Variants in ACSF3 observed in about 807,000 individuals in gnomAD.
The protein encoded by ACSF3 is acyl-CoA synthetase family member 3.
In ACSF3, 78 loss-of-function variants were observed where a neutral mutation model predicts 53.2. That is an observed-to-expected ratio of 1.47 (90% CI 1.22 to 1.77). The LOEUF is 1.77. Ranked by LOEUF, ACSF3 falls within the 40% of genes most tolerant of loss-of-function variation. ACSF3 has a pLI of 0.00. For synonymous variants in ACSF3, 414 were observed against 333.1 expected (o/e 1.24, Z -2.65); for missense variants, 937 against 771.1 (o/e 1.22, Z -2.55).
intron 8 of ACSF3, among the ~76,000 whole-genome samples, chr16:89,135,113 A>C (rs1219113955): frequency 1.4e-5 from 2 of 138,314 alleles, no homozygotes; most frequent in African/African-American, 5.6e-5. Flanking sequence ...TTTTATGCTG[A>C]ACATCATTAT....
chr16:89,149,837 G>C (rs925565378), intron 10 of ACSF3: 1 of 152,174 alleles, frequency 6.6e-6, no homozygotes, highest in African/African-American at 2.4e-5. Context: ...GGGCAAACAG[G>C]AATAGAAGTT....
At chr16:89,136,410 G>A (rs1482995801) in intron 8 of ACSF3, 20 of 822,142 alleles carry the variant, frequency 2.4e-5, no homozygotes, top group African/African-American at 5.4e-5. Context: ...CCTGGAAGCC[G>A]CATGTCTTTG....
chr16:89,151,129 C>A, intron 10 of ACSF3: 2 of 993,730 alleles, frequency 2.0e-6, no homozygotes, highest in Non-Finnish European at 2.8e-6. Context: ...GGCAGGATGG[C>A]GGCACGGAGG....
intron 8 of ACSF3, among the ~76,000 whole-genome samples, chr16:89,138,153 G>A (rs748504974): frequency 2.4e-4 from 36 of 152,300 alleles, no homozygotes; most frequent in African/African-American, 7.7e-4. Context: ...AGTGGGGACC[G>A]GCAGTGTCGT....
intron 4 of ACSF3, among the ~76,000 whole-genome samples, chr16:89,111,673 CT>C (rs1296315231): frequency 6.6e-6 from 1 of 152,224 alleles, no homozygotes; most frequent in African/African-American, 2.4e-5. Flanking sequence ...TCACATGACT[CT>C]TTTAAATAAA....
At chr16:89,116,495 C>T (rs1005155153) in intron 6 of ACSF3, among the ~76,000 whole-genome samples, 7 of 152,222 alleles carry the variant, frequency 4.6e-5, no homozygotes, top group African/African-American at 1.7e-4. Flanking sequence ...TTTGCTGGGC[C>T]TGGGGAGCCA....
intron 10 of ACSF3, chr16:89,153,654 C>G (rs1567757161): frequency 1.0e-5 from 3 of 301,448 alleles, no homozygotes; most frequent in African/African-American, 6.5e-5. Flanking sequence ...TGCCCCTGCC[C>G]CACCTGCCCA....
At position 89,135,820 on chromosome 16, in the gene ACSF3, T is replaced by G. The variant is rs540061923; in HGVS notation, c.1366+2558T>G. ...GACGGAGTCTCGCTCTGTCGCCCAG[T>G]CTGCAGTGCAGTGGCACGATCTCAG... On this transcript the variant is annotated intron_variant, in intron 8 of 10. Transcript: ENST00000614302. 1.3e-3 allele frequency among the ~76,000 whole-genome samples: 194 copies of G among 152,358 alleles called. 4 individuals carry two copies. The highest frequency in any genetic ancestry group is 4.1e-3 in the African/African-American group (170 of 41,592).
intron 10 of ACSF3, chr16:89,149,740 G>A (rs1016628483): frequency 9.2e-5 from 14 of 152,266 alleles, no homozygotes; most frequent in African/African-American, 3.4e-4. Flanking sequence ...GCACAGAATG[G>A]GGAGGGGCAG....
chr16:89,145,355 C>A lies in ACSF3; in HGVS notation c.1455C>A (p.Ser485Arg), dbSNP rs377487769. The A allele has an allele frequency of 6.2e-7, 1 of 1,614,060 alleles. No homozygotes were observed. Among genetic ancestry groups the A allele is most frequent in the South Asian group, 1.1e-5 (1 of 91,086 alleles). ...DIIKTGGYKV[S>R]ALEVEWHLLA... Reference sequence around the variant, plus strand: ...TCAAGACTGGAGGCTACAAGGTCAGCGCCCTGGAGGTGGAGTGGCACCTGC... The same window carrying A: ...TCAAGACTGGAGGCTACAAGGTCAGAGCCCTGGAGGTGGAGTGGCACCTGC... The change falls in exon 9 of 11, where the codon AGC becomes AGA. Residue 485 changes from serine to arginine, a missense_variant. Coordinates refer to ENST00000614302, the MANE Select transcript of ACSF3 (RefSeq NM_001243279.3).
At chr16:89,136,890 C>A (rs1476179684) in intron 8 of ACSF3, 5 of 1,232,820 alleles carry the variant, frequency 4.1e-6, no homozygotes, top group East Asian at 5.7e-5. Context: ...TCAGGTAACT[C>A]CTCTGACGGC....
At chr16:89,121,580 G>C (rs1348043899) in intron 7 of ACSF3, among the ~76,000 whole-genome samples, 1 of 152,216 alleles carries the variant, frequency 6.6e-6, no homozygotes, top group African/African-American at 2.4e-5. Flanking sequence ...ATGGAATCTT[G>C]ATTTAAAAGG....
In ACSF3 at chr16:89,155,890, C is replaced by A. The variant is rs1223051521; in HGVS notation, c.*1683C>A. The A allele has an allele frequency of 2.7e-5, 11 of 401,872 alleles. No individual in the cohort carries two copies. In the East Asian group the frequency reaches 7.8e-4, roughly 29 times the overall value. 24.9% of individuals were successfully genotyped at this position (401,872 alleles called of 1,614,324 possible). A position where few individuals can be genotyped will look rare whatever the true frequency, so the allele number is the denominator to read the frequency against. On this transcript the variant is annotated 3_prime_UTR_variant, in exon 11 of 11. Coordinates refer to ENST00000614302, the MANE Select transcript of ACSF3 (RefSeq NM_001243279.3). ...CTTTCGAAATAATGAGTGTAACTTT[C>A]TGCTGACAATACTACAAACTACAGA...
chr16:89,155,098 G>A lies in ACSF3; in HGVS notation c.*891G>A, dbSNP rs760161678. On this transcript the variant is annotated 3_prime_UTR_variant, in exon 11 of 11. Transcript: ENST00000614302. ...AACCTCAGGAAGGTGTGTTGTGAAT[G>A]TTGGGTGCACCCACGTTGCATTTAC... 3 of 454,164 alleles carry A rather than the reference G, an allele frequency of 6.6e-6. No homozygotes were observed. The highest frequency in any genetic ancestry group is 4.7e-5 in the South Asian group (3 of 64,476). 28.1% of individuals were successfully genotyped at this position (454,164 alleles called of 1,614,324 possible).
chr16:89,104,947 C>G (rs1975786781), intron 4 of ACSF3, among the ~76,000 whole-genome samples: 1 of 152,204 alleles, frequency 6.6e-6, no homozygotes, highest in South Asian at 2.1e-4. Flanking sequence ...ACTACCGTGC[C>G]AAAGAGAGGT....
chr16:89,127,668 C>T (rs1311395751), intron 7 of ACSF3, among the ~76,000 whole-genome samples: 1 of 152,096 alleles, frequency 6.6e-6, no homozygotes, highest in Admixed American at 6.5e-5. Context: ...GCCCTACCAA[C>T]GTTTCTTTTT....
intron 7 of ACSF3, 65 bp downstream of exon 7, chr16:89,120,978 A>C (rs1160816474): frequency 7.1e-7 from 1 of 1,403,510 alleles, no homozygotes; most frequent in Non-Finnish European, 1.0e-6. Flanking sequence ...CAGGGTGGTT[A>C]CACTGGTGCA....
intron 4 of ACSF3, 46 bp from the exon 5 acceptor site, chr16:89,112,046 C>A: frequency 7.6e-6 from 2 of 261,794 alleles, no homozygotes; most frequent in African/African-American, 7.6e-5. Flanking sequence ...GCCACGGGCC[C>A]CAGTGCCTGC....
At chr16:89,125,529 A>C (rs564930044) in intron 7 of ACSF3, among the ~76,000 whole-genome samples, 1 of 151,800 alleles carries the variant, frequency 6.6e-6, no homozygotes, top group Admixed American at 6.6e-5. Context: ...CCCTGTCTCT[A>C]CTGAAAATAC....
Sources: gnomAD v4.1 joint callset for allele counts (sites outside exome capture counted in the v4.1 genomes callset) on GRCh38, gnomAD v4.1.1 for gene constraint, MANE v1.5 for transcripts, NCBI Gene and HGNC (gene_info 2026-07-23, HGNC 2026-07-21) for gene names.